The following ROBO1 variants were observed in gnomAD, a reference collection of about 807,000 sequenced individuals.
ROBO1 encodes the protein roundabout guidance receptor 1.
ROBO1 carries 149 observed loss-of-function variants against 195.9 expected under a neutral mutation model. The observed-to-expected ratio is 0.76, with a 90% CI of 0.67 to 0.87. The LOEUF is 0.87. Ranked by LOEUF, ROBO1 falls within the 40% of genes least tolerant of loss-of-function variation. The pLI is 0.00. For missense variants in ROBO1, 1,933 were observed against 2,068.3 expected (o/e 0.93, Z 1.27); for synonymous variants, 816 against 733.2 (o/e 1.11, Z -1.82).
chr3:78,705,579 A>G (rs1411013961), intron 8 of ROBO1, among the ~76,000 whole-genome samples: 1 of 152,190 alleles, frequency 6.6e-6, no homozygotes, highest in African/African-American at 2.4e-5. Flanking sequence ...GGTGAATTTT[A>G]TGTGTCCATT....
At chr3:79,232,464 AAAAC>A (rs1051093953) in intron 2 of ROBO1, among the ~76,000 whole-genome samples, 13 of 151,716 alleles carry the variant, frequency 8.6e-5, no homozygotes, top group African/African-American at 2.4e-4. Flanking sequence ...AGAGAAAAAA[AAAAC>A]AAACATCACA....
At chr3:78,767,895 T>C (rs1351171096) in intron 4 of ROBO1, among the ~76,000 whole-genome samples, 10 of 152,280 alleles carry the variant, frequency 6.6e-5, no homozygotes, top group Middle Eastern at 3.4e-3. Flanking sequence ...TTCATTTATC[T>C]TTTGTATTTT....
intron 2 of ROBO1, among the ~76,000 whole-genome samples, chr3:79,229,113 T>C (rs2082277216): frequency 6.6e-6 from 1 of 152,316 alleles, no homozygotes; most frequent in East Asian, 1.9e-4. Context: ...AAAAGTTAAC[T>C]TATATTTAAC....
At chr3:79,480,201 A>T (rs932327955) in intron 2 of ROBO1, among the ~76,000 whole-genome samples, 1 of 152,192 alleles carries the variant, frequency 6.6e-6, no homozygotes, top group Non-Finnish European at 1.5e-5. Context: ...TTAAAGAAAC[A>T]TTACAAATAT....
At chr3:79,443,857 A>C (rs1447732458) in intron 2 of ROBO1, among the ~76,000 whole-genome samples, 1 of 152,140 alleles carries the variant, frequency 6.6e-6, no homozygotes, top group Non-Finnish European at 1.5e-5. Context: ...AGAATGAGAT[A>C]GAGCACACAG....
intron 2 of ROBO1, among the ~76,000 whole-genome samples, chr3:79,385,408 A>G (rs543946872): frequency 6.0e-4 from 92 of 152,240 alleles, no homozygotes; most frequent in African/African-American, 2.1e-3. Flanking sequence ...ATGGTGTGGT[A>G]TGTTGGTGAA....
At chr3:78,702,828 AGGCCT>A (rs569337673) in intron 8 of ROBO1, among the ~76,000 whole-genome samples, 128 of 152,288 alleles carry the variant, frequency 8.4e-4, no homozygotes, top group Middle Eastern at 3.4e-3. Context: ...CCATCATGGA[AGGCCT>A]ATGATGCGCT....
At chr3:79,557,743 A>ATATATAT (rs1553764429) in intron 2 of ROBO1, among the ~76,000 whole-genome samples, 13 of 130,820 alleles carry the variant, frequency 9.9e-5, no homozygotes, top group African/African-American at 3.4e-4. Flanking sequence ...AACAAAAAAA[A>ATATATAT]ATATATATAT....
At chr3:79,718,094 G>A (rs950505452) in intron 1 of ROBO1, among the ~76,000 whole-genome samples, 2 of 151,862 alleles carry the variant, frequency 1.3e-5, no homozygotes, top group East Asian at 3.9e-4. Flanking sequence ...AAAGAAGATG[G>A]ATAATATTAA....
In ROBO1 at chr3:78,897,439, T is replaced by A. The variant is rs574652463; in HGVS notation, c.499+41162A>T. On this transcript the variant is annotated intron_variant, in intron 4 of 30. Transcript: ENST00000464233. ...AATCGCTCTTATATATCCCTACATA[T>A]CCCAAGTAGTTAGCATCTTTGTCAT... 4.6e-5 allele frequency among the ~76,000 whole-genome samples: 7 copies of A among 152,262 alleles called. No individual in the cohort carries two copies. The East Asian group carries it at 1.2e-3, about 25-fold the overall frequency.
chr3:78,885,244 A>G (rs2036477319), intron 4 of ROBO1, among the ~76,000 whole-genome samples: 1 of 151,910 alleles, frequency 6.6e-6, no homozygotes, highest in Non-Finnish European at 1.5e-5. Context: ...AAAAACACAC[A>G]GTGGGGTCTC....
At chr3:78,738,508 T>C (rs2082446601) in intron 5 of ROBO1, among the ~76,000 whole-genome samples, 1 of 152,152 alleles carries the variant, frequency 6.6e-6, no homozygotes, top group Non-Finnish European at 1.5e-5. Context: ...GATAAAACCC[T>C]TCTATATATT....
chr3:79,478,924 T>C (rs1158676527), intron 2 of ROBO1, among the ~76,000 whole-genome samples: 3 of 152,126 alleles, frequency 2.0e-5, no homozygotes, highest in Non-Finnish European at 2.9e-5. Flanking sequence ...AAATCCAGAA[T>C]AAACTACAAA....
At chr3:79,269,669 T>C (rs2108966457) in intron 2 of ROBO1, among the ~76,000 whole-genome samples, 1 of 151,900 alleles carries the variant, frequency 6.6e-6, no homozygotes, top group South Asian at 2.1e-4. Context: ...CTGTGAATTC[T>C]CAAAGGAATA....
At chr3:78,651,351 G>A (rs755108559) in intron 19 of ROBO1, among the ~76,000 whole-genome samples, 3 of 152,094 alleles carry the variant, frequency 2.0e-5, no homozygotes, top group Admixed American at 6.5e-5. Flanking sequence ...TGTCTCCCCT[G>A]AAACCATGTG....
intron 4 of ROBO1, among the ~76,000 whole-genome samples, chr3:78,821,480 C>G (rs1047957431): frequency 9.2e-5 from 14 of 151,982 alleles, no homozygotes; most frequent in Non-Finnish European, 1.9e-4. Flanking sequence ...GATGTTTTAT[C>G]TTATGACATC....
chr3:79,199,600 T>C (rs1301406911), intron 2 of ROBO1, among the ~76,000 whole-genome samples: 1 of 145,176 alleles, frequency 6.9e-6, no homozygotes, highest in Non-Finnish European at 1.5e-5. Flanking sequence ...AAAACCCAAT[T>C]ACCATTTTTT....
At chr3:79,146,691 T>C (rs535550733) in intron 2 of ROBO1, among the ~76,000 whole-genome samples, 16 of 152,084 alleles carry the variant, frequency 1.1e-4, no homozygotes, top group African/African-American at 3.9e-4. Flanking sequence ...ATTAAATGTA[T>C]GCTACTTTAT....
chr3:79,667,007 T>C (rs774046639), intron 1 of ROBO1, among the ~76,000 whole-genome samples: 132 of 151,974 alleles, frequency 8.7e-4, no homozygotes, highest in Non-Finnish European at 1.4e-3. Flanking sequence ...TTACTAAATA[T>C]TTACACAAAA....
Sources: gnomAD v4.1 joint callset for allele counts (sites outside exome capture counted in the v4.1 genomes callset) on GRCh38, gnomAD v4.1.1 for gene constraint, MANE v1.5 for transcripts, NCBI Gene and HGNC (gene_info 2026-07-23, HGNC 2026-07-21) for gene names.